Variants in CCR6 observed in about 807,000 individuals in gnomAD.
CCR6 encodes the protein C-C motif chemokine receptor 6.
Under a neutral mutation model 3.0 loss-of-function variants are expected in CCR6, and 2 were observed. The ratio of observed to expected loss-of-function variants is 0.66; its 90% CI spans 0.27 to 2.07. The LOEUF is 2.07. Among genes scored for constraint, CCR6 ranks in the 30% most tolerant of loss-of-function variants. The probability of loss-of-function intolerance (pLI) is 0.14; values close to 1 mark genes in which losing one functional copy is unlikely to be tolerated. For missense variants in CCR6, 322 were observed against 462.8 expected, an observed-to-expected ratio of 0.70 and a Z score of 2.79; for synonymous variants, 193 against 184.3, an observed-to-expected ratio of 1.05 and a Z score of -0.38.
At chr6:167,114,343 T>A (rs1458786508) in intron 1 of CCR6, among the ~76,000 whole-genome samples, 1 of 152,206 alleles carries the variant, frequency 6.6e-6, no homozygotes, top group Non-Finnish European at 1.5e-5. Context: ...TCTAGCTCCC[T>A]CCTGCTCCCA....
chr6:167,128,072 T>C (rs904141299), intron 1 of CCR6, among the ~76,000 whole-genome samples: 3 of 152,238 alleles, frequency 2.0e-5, no homozygotes, highest in Admixed American at 1.3e-4. Context: ...GAATCTTTTC[T>C]TCTCCCGTCT....
At position 167,136,954 on chromosome 6, in the gene CCR6, G is replaced by T. The variant is rs1179616678; in HGVS notation, c.724G>T (p.Val242Leu). 4 of 1,614,144 alleles carry T rather than the reference G, an allele frequency of 2.5e-6. No individual in the cohort carries two copies. In the East Asian group the frequency reaches 6.7e-5, roughly 27 times the overall value. The change falls in exon 3 of 3, where the codon GTG (valine) becomes TTG (leucine). Residue 242 changes from valine to leucine, a missense_variant. Val to Leu is a conservative substitution (Grantham distance 32). Coordinates refer to ENST00000341935, the MANE Select transcript of CCR6 (RefSeq NM_031409.4). This position sits in a 1 kb window ranked among gnomAD's most constrained non-coding sequence, Gnocchi z 4.6. ...TTACACGTTCATTGTCAAAACCTTG[G>T]TGCAAGCTCAGAATTCTAAAAGGCA... is the stretch of plus-strand genomic sequence containing the variant. Reference protein sequence around the residue: ...FCYTFIVKTLVQAQNSKRHKA... With the variant: ...FCYTFIVKTLLQAQNSKRHKA...
upstream of CCR6, among the ~76,000 whole-genome samples, chr6:167,120,256 G>A (rs768339029): frequency 1.6e-4 from 24 of 152,140 alleles, no homozygotes; most frequent in Non-Finnish European, 3.1e-4. Flanking sequence ...ACATGTGGCC[G>A]GCAGGTGGTG....
chr6:167,113,034 C>T (rs1270952180), intron 1 of CCR6, among the ~76,000 whole-genome samples: 1 of 151,526 alleles, frequency 6.6e-6, no homozygotes, highest in Non-Finnish European at 1.5e-5. Context: ...CTCGGATGCA[C>T]TTGTTGTAAT....
chr6:167,123,811 A>G (rs1034817564), intron 1 of CCR6, among the ~76,000 whole-genome samples: 3 of 152,168 alleles, frequency 2.0e-5, no homozygotes, highest in Non-Finnish European at 4.4e-5. Flanking sequence ...ATAATACACA[A>G]TGATATTAAA....
chr6:167,131,044 TC>T (rs1302663266), intron 1 of CCR6, among the ~76,000 whole-genome samples: 133 of 128,590 alleles, frequency 1.0e-3, no homozygotes, highest in Middle Eastern at 4.2e-3. Context: ...GGACCCCTTC[TC>T]TCTGGGCCCC....
chr6:167,129,665 TTCAGAACATGTGATAAAGCTCAGTCAA>T (rs1419100338), intron 1 of CCR6: 3 of 151,634 alleles, frequency 2.0e-5, no homozygotes, highest in African/African-American at 7.3e-5. Context: ...TTCTCTTGTC[TTCAGAACATGTGATAAAGCTCAGTCAA>T]TGAGATATGC....
intron 1 of CCR6, chr6:167,126,245 T>C (rs763036804): frequency 6.6e-6 from 1 of 152,236 alleles, no homozygotes; most frequent in Non-Finnish European, 1.5e-5. Flanking sequence ...CTAAAATACA[T>C]ACTGAAGTAT....
rs766231476 is a variant in CCR6, at chr6:167,136,141, G to A, written c.7G>A (p.Gly3Arg). 1.1e-5 allele frequency: 17 copies of A among 1,613,736 alleles called. No individual in the cohort carries two copies. Among genetic ancestry groups the A allele is most frequent in the East Asian group, 2.2e-5 (1 of 44,898 alleles). ...TGCATTTTTTCTGCCCACAATGAGC[G>A]GGGTAAGATTTTTATTTTTGGCAAG... is the stretch of plus-strand genomic sequence containing the variant. Reference protein sequence around the residue: MSGESMNFSDVFD... With the variant: MSRESMNFSDVFD... Residue 3 changes from glycine to arginine, a missense_variant and splice_region_variant, in exon 2 of 3, where the codon GGG (glycine) becomes AGG (arginine). Coordinates refer to ENST00000341935, the MANE Select transcript of CCR6 (RefSeq NM_031409.4). The surrounding 1 kb of genome is among the most constrained non-coding windows in gnomAD (Gnocchi z 4.6).
intron 1 of CCR6, among the ~76,000 whole-genome samples, chr6:167,132,464 C>G (rs187744646): frequency 6.6e-6 from 1 of 152,144 alleles, no homozygotes; most frequent in South Asian, 2.1e-4. Context: ...GCACCATGTC[C>G]TCTCCCAGCT....
At chr6:167,119,491 T>C (rs184611981), upstream of CCR6, 39 of 152,354 alleles carry the variant, frequency 2.6e-4, 1 homozygote, top group African/African-American at 9.1e-4. Context: ...AAAAAATGAT[T>C]CGTATCTGAA....
At position 167,136,041 on chromosome 6, in the gene CCR6, C is replaced by T. The variant is rs1781844584; in HGVS notation, c.-94C>T. The T allele has an allele frequency of 7.1e-7, 1 of 1,412,668 alleles. No individual in the cohort carries two copies. 87.5% of individuals were successfully genotyped at this position (1,412,668 alleles called of 1,614,324 possible). A position where few individuals can be genotyped will look rare whatever the true frequency, so the allele number is the denominator to read the frequency against. ...TTTTGCCTTCTTTCCTTCTTAGAGT[C>T]ACCTCTACTTTCCTGCTACCGCTGC... On this transcript the variant is annotated 5_prime_UTR_variant, in exon 2 of 3. Coordinates refer to ENST00000341935, the MANE Select transcript of CCR6 (RefSeq NM_031409.4). The surrounding 1 kb of genome is among the most constrained non-coding windows in gnomAD (Gnocchi z 4.6).
upstream of CCR6, among the ~76,000 whole-genome samples, chr6:167,117,867 C>T (rs1254422982): frequency 6.6e-6 from 1 of 151,780 alleles, no homozygotes; most frequent in Non-Finnish European, 1.5e-5. Flanking sequence ...GCACTGAGAA[C>T]AGTAGTGATG....
chr6:167,120,964 G>A (rs1781575790), upstream of CCR6: 2 of 152,266 alleles, frequency 1.3e-5, no homozygotes, highest in South Asian at 4.1e-4. Flanking sequence ...ATGGGGCAAA[G>A]GACATGAGAA....
intron 1 of CCR6, chr6:167,115,568 T>G (rs1781480340): frequency 6.6e-6 from 1 of 152,174 alleles, no homozygotes. Context: ...AATAGTATTG[T>G]CCACTGTTCT....
chr6:167,133,932 G>GTGTATATATATACATATATA (rs1183741225), intron 1 of CCR6, among the ~76,000 whole-genome samples: 1 of 110,340 alleles, frequency 9.1e-6, no homozygotes, highest in Non-Finnish European at 1.7e-5. Flanking sequence ...ATATATGTGT[G>GTGTATATATATACATATATA]TATATATATA....
At chr6:167,135,035 T>C (rs960906985) in intron 1 of CCR6, 5 of 152,310 alleles carry the variant, frequency 3.3e-5, no homozygotes, top group African/African-American at 1.2e-4. Flanking sequence ...CCTGGACCCA[T>C]GCACCGCCAC....
In CCR6 at chr6:167,137,447, G is replaced by A; in HGVS notation, c.*92G>A. 7.8e-7 allele frequency: 1 copy of A among 1,287,104 alleles called. No homozygotes were observed. Among genetic ancestry groups the A allele is most frequent in the East Asian group, 2.3e-5 (1 of 42,790 alleles). 79.7% of individuals were successfully genotyped at this position (1,287,104 alleles called of 1,614,324 possible). A position where few individuals can be genotyped will look rare whatever the true frequency, so the allele number is the denominator to read the frequency against. On this transcript the variant is annotated 3_prime_UTR_variant, in exon 3 of 3. Coordinates refer to ENST00000341935, the MANE Select transcript of CCR6 (RefSeq NM_031409.4). The surrounding 1 kb of genome is among the most constrained non-coding windows in gnomAD (Gnocchi z 4.6). ...ATGGCCAGGTATGCATGGAAAATGT[G>A]GGAATTAAGCAAAATCAAGCAAGCC...
upstream of CCR6, among the ~76,000 whole-genome samples, chr6:167,119,691 C>T (rs932194548): frequency 2.0e-5 from 3 of 152,356 alleles, no homozygotes; most frequent in African/African-American, 7.2e-5. Context: ...ACAGCTTGTA[C>T]TTCCTCCTAT....
Sources: allele counts gnomAD v4.1 joint callset (sites outside exome capture counted in the v4.1 genomes callset), GRCh38; gene constraint gnomAD v4.1.1; non-coding constraint Gnocchi (gnomAD v3.1); transcripts MANE v1.5; gene names NCBI Gene and HGNC (gene_info 2026-07-23, HGNC 2026-07-21).